Variants in CHD7 observed in about 807,000 individuals in gnomAD.
The protein encoded by CHD7 is chromodomain helicase DNA binding protein 7.
In CHD7, 24 loss-of-function variants were observed where a neutral mutation model predicts 307.3. The ratio of observed to expected loss-of-function variants is 0.08; its 90% confidence interval spans 0.06 to 0.11. The LOEUF (loss-of-function observed/expected upper bound fraction) is 0.11, where lower values mean the gene tolerates loss of function less well. Ranked by LOEUF, CHD7 falls within the 10% of genes least tolerant of loss-of-function variation. CHD7 has a pLI of 1.00. For missense variants in CHD7, 3,106 were observed against 3,727.1 expected, an observed-to-expected ratio of 0.83 and a Z score of 4.34; for synonymous variants, 1,363 against 1,349.9, an observed-to-expected ratio of 1.01 and a Z score of -0.21.
intron 3 of CHD7, among the ~76,000 whole-genome samples, chr8:60,789,681 C>T (rs1359154854): frequency 6.6e-6 from 1 of 152,216 alleles, no homozygotes; most frequent in Non-Finnish European, 1.5e-5. Flanking sequence ...ACCTGGCTTT[C>T]CAGTAAATTA....
In CHD7 at chr8:60,853,069, A is replaced by G; in HGVS notation, c.6344A>G (p.His2115Arg). ...CACGGGGTCAGTCGGACGGATTATC[A>G]CATCCTCAATGACCCTGAGTTATCC... ...AKHGVSRTDY[H>R]ILNDPELSFL... Residue 2115 changes from histidine to arginine, a missense_variant, in exon 31 of 38, where the codon CAC becomes CGC. Physicochemically the swap from His to Arg is conservative, Grantham distance 29. Coordinates refer to ENST00000423902, the MANE Select transcript of CHD7 (RefSeq NM_017780.4). The G allele has an allele frequency of 6.2e-7, 1 of 1,613,942 alleles. No homozygotes were observed. The highest frequency in any genetic ancestry group is 1.1e-5 in the South Asian group (1 of 91,062).
chr8:60,727,821 T>A (rs1808249667), intron 1 of CHD7, among the ~76,000 whole-genome samples: 1 of 152,150 alleles, frequency 6.6e-6, no homozygotes, highest in Admixed American at 6.5e-5. Context: ...CTGTGTGAAT[T>A]TTTTTCTACA....
At chr8:60,827,946 A>G (rs1032859204) in intron 13 of CHD7, among the ~76,000 whole-genome samples, 2 of 152,124 alleles carry the variant, frequency 1.3e-5, no homozygotes, top group Admixed American at 6.6e-5. Flanking sequence ...ATATCTCACT[A>G]TTGTTAAGAC....
chr8:60,687,840 A>C (rs1444475751), intron 1 of CHD7, among the ~76,000 whole-genome samples: 1 of 152,236 alleles, frequency 6.6e-6, no homozygotes, highest in Non-Finnish European at 1.5e-5. Flanking sequence ...CACGTGGTGG[A>C]GGAGGAATTT....
At position 60,840,272 on chromosome 8, in the gene CHD7, T is replaced by C. The variant is rs976540491; in HGVS notation, c.4534-1372T>C. On this transcript the variant is annotated intron_variant, in intron 19 of 37. Transcript: ENST00000423902. ...GGGTTTTGAGACCCACATCTTCTCCTTTACATCTTTCAGCCTTGTGTCAGA... is the reference window on the plus strand; with the variant it reads ...GGGTTTTGAGACCCACATCTTCTCCCTTACATCTTTCAGCCTTGTGTCAGA... Among the ~76,000 whole-genome samples, 9 of 152,320 alleles carry C rather than the reference T, an allele frequency of 5.9e-5. No individual in the cohort carries two copies. In the South Asian group the frequency reaches 1.9e-3, roughly 32 times the overall value.
chr8:60,745,407 T>C (rs1275526452), intron 2 of CHD7, among the ~76,000 whole-genome samples: 1 of 152,158 alleles, frequency 6.6e-6, no homozygotes, highest in African/African-American at 2.4e-5. Flanking sequence ...TCAGTGGGCA[T>C]TTCAGAGGAC....
At chr8:60,689,125 A>C (rs1806067208) in intron 1 of CHD7, among the ~76,000 whole-genome samples, 1 of 152,208 alleles carries the variant, frequency 6.6e-6, no homozygotes, top group Non-Finnish European at 1.5e-5. Flanking sequence ...TTTTCATTTT[A>C]TTCTATTCTA....
chr8:60,781,476 G>C (rs1022235216), intron 3 of CHD7, 46 bp downstream of exon 3: 1 of 1,485,192 alleles, frequency 6.7e-7, no homozygotes, highest in African/African-American at 1.4e-5. Context: ...TGAGAGTACA[G>C]AAATTAGCGC....
chr8:60,830,347 A>G lies in CHD7; in HGVS notation c.3548A>G (p.Lys1183Arg). 1 of 1,613,544 alleles carries G rather than the reference A, an allele frequency of 6.2e-7. No homozygotes were observed. The highest frequency in any genetic ancestry group is 1.1e-5 in the South Asian group (1 of 91,002). Residue 1183 changes from lysine (K) to arginine (R), a missense_variant, in exon 15 of 38, where the codon AAG becomes AGG. Around this residue, in one of 10 missense-constraint regions of CHD7, gnomAD observed 232 missense variants for 422.5 expected, o/e 0.55. Coordinates refer to ENST00000423902, the MANE Select transcript of CHD7 (RefSeq NM_017780.4). ...GTGCAAAAACTTCAAGCTATTCTAA[A>G]GCCAATGATGTTGAGACGTCTCAAA... ...EQVQKLQAIL[K>R]PMMLRRLKED... is the part of the protein sequence containing the mutation.
rs1366501516 is a variant in CHD7 at position 60,866,258 on chromosome 8, G to A, written c.*325G>A. ...AATAAAGAGCAATTTGTAACTGAGT[G>A]GCACTAATGGAAGAAAGTGCTGCTC... On this transcript the variant is annotated 3_prime_UTR_variant, in exon 38 of 38. Transcript: ENST00000423902. 5.4e-6 allele frequency: 1 copy of A among 184,320 alleles called. No individual in the cohort carries two copies. The highest frequency in any genetic ancestry group is 1.4e-4 in the East Asian group (1 of 7,300). 11.4% of individuals were successfully genotyped at this position (184,320 alleles called of 1,614,324 possible).
chr8:60,746,085 A>G (rs1340356387), intron 2 of CHD7, among the ~76,000 whole-genome samples: 1 of 152,120 alleles, frequency 6.6e-6, no homozygotes, highest in African/African-American at 2.4e-5. Context: ...GCCAGGCTGG[A>G]GTCAGTGGCG....
intron 4 of CHD7, 82 bp from the exon 5 acceptor site, chr8:60,800,306 A>C: frequency 7.0e-7 from 1 of 1,425,556 alleles, no homozygotes; most frequent in Non-Finnish European, 9.6e-7. Flanking sequence ...TGCTGGGATT[A>C]CAGGCGTGAG....
intron 1 of CHD7, among the ~76,000 whole-genome samples, chr8:60,731,246 T>C (rs528955202): frequency 8.5e-5 from 13 of 152,204 alleles, no homozygotes; most frequent in Non-Finnish European, 1.2e-4. Flanking sequence ...TATTGAGATA[T>C]ACATCTTATA....
rs375277827 is a variant in CHD7, at chr8:60,742,040, A to G, written c.608A>G (p.His203Arg). ...MARGDFSMQQ[H>R]GQPQQRMSQF... ...CGTGGGGATTTTTCCATGCAGCAGC[A>G]TGGTCAGCCACAGCAGAGGATGAGC... The change falls in exon 2 of 38, where the codon CAT becomes CGT. Residue 203 changes from histidine (H) to arginine (R), a missense_variant. This residue lies in a region of CHD7 where 998 missense variants were observed against 1,004.5 expected (regional missense o/e 0.99). Transcript: ENST00000423902. The G allele has an allele frequency of 1.3e-4, 213 of 1,613,770 alleles. No homozygotes were observed. The highest frequency in any genetic ancestry group is 1.8e-4 in the Non-Finnish European group (209 of 1,179,884).
chr8:60,732,256 T>C (rs1426952609), intron 1 of CHD7, among the ~76,000 whole-genome samples: 2 of 152,210 alleles, frequency 1.3e-5, no homozygotes, highest in African/African-American at 4.8e-5. Flanking sequence ...TTCCAGAAAT[T>C]TTTTAAAATG....
chr8:60,723,865 A>G (rs1808038604), intron 1 of CHD7, among the ~76,000 whole-genome samples: 1 of 152,212 alleles, frequency 6.6e-6, no homozygotes, highest in Non-Finnish European at 1.5e-5. Context: ...ACCCTGTTGC[A>G]TAGTGGAGAA....
chr8:60,679,736 G>T (rs1227925033), intron 1 of CHD7: 1 of 148,300 alleles, frequency 6.7e-6, no homozygotes, highest in Admixed American at 6.7e-5. Flanking sequence ...CGCGAACAAA[G>T]TGCGTTCCTC....
chr8:60,760,768 G>T (rs1810152137), intron 2 of CHD7, among the ~76,000 whole-genome samples: 1 of 151,312 alleles, frequency 6.6e-6, no homozygotes, highest in South Asian at 2.1e-4. Context: ...GGCCATCAGA[G>T]AAATGCAAAT....
intron 1 of CHD7, among the ~76,000 whole-genome samples, chr8:60,713,812 T>C (rs1281373496): frequency 1.3e-5 from 2 of 152,130 alleles, no homozygotes; most frequent in African/African-American, 4.8e-5. Flanking sequence ...GACCAGGTCT[T>C]GTCACTTCTC....
Sources: gnomAD v4.1 joint callset for allele counts (sites outside exome capture counted in the v4.1 genomes callset) on GRCh38, gnomAD v4.1.1 for gene constraint, gnomAD v4.1.1 regional missense constraint, MANE v1.5 for transcripts, NCBI Gene and HGNC (gene_info 2026-07-23, HGNC 2026-07-21) for gene names.